DLGAP2: variants seen among roughly 807,000 people sequenced by gnomAD.
The protein encoded by DLGAP2 is disks large-associated protein 2.
In DLGAP2, 26 loss-of-function variants were observed where a neutral mutation model predicts 100.3. That is an observed-to-expected ratio of 0.26 (90% confidence interval 0.19 to 0.36). The LOEUF (loss-of-function observed/expected upper bound fraction) is 0.36. Among genes scored for constraint, DLGAP2 ranks in the 10% least tolerant of loss-of-function variants. The pLI is 1.00. For synonymous variants in DLGAP2, 886 were observed against 630.1 expected (o/e 1.41, Z -6.08); for missense variants, 1,858 against 1,453.2 (o/e 1.28, Z -4.53).
intron 3 of DLGAP2, among the ~76,000 whole-genome samples, chr8:1,276,487 T>C (rs553639263): frequency 7.9e-5 from 12 of 152,266 alleles, no homozygotes; most frequent in African/African-American, 2.9e-4. Flanking sequence ...TGAGGCGGCA[T>C]CTTCACTTTG....
intron 2 of DLGAP2, among the ~76,000 whole-genome samples, chr8:1,007,228 G>A (rs547423289): frequency 2.6e-5 from 4 of 152,272 alleles, no homozygotes; most frequent in East Asian, 1.9e-4. Context: ...CTTAGGATAC[G>A]GTCAGTCCCA....
chr8:910,583 C>G (rs924748104), intron 2 of DLGAP2: 7 of 152,132 alleles, frequency 4.6e-5, no homozygotes, highest in African/African-American at 1.4e-4. Context: ...ACATTTATGC[C>G]TGTCTTTATT....
chr8:1,206,440 CCG>C (rs879319815), intron 2 of DLGAP2, among the ~76,000 whole-genome samples: 6 of 151,390 alleles, frequency 4.0e-5, no homozygotes, highest in African/African-American at 7.2e-5. Flanking sequence ...CTCCAGCCAT[CCG>C]TGGACTGGGG....
At chr8:1,171,228 T>C (rs575151139) in intron 2 of DLGAP2, among the ~76,000 whole-genome samples, 127 of 152,332 alleles carry the variant, frequency 8.3e-4, no homozygotes, top group Middle Eastern at 3.4e-3. Context: ...CTAGTTTGAT[T>C]GCACTGTGGT....
At chr8:1,278,935 A>T (rs1799760822) in intron 3 of DLGAP2, among the ~76,000 whole-genome samples, 2 of 152,218 alleles carry the variant, frequency 1.3e-5, no homozygotes, top group East Asian at 3.8e-4. Context: ...TGAACCCATG[A>T]TGGTACATGA....
At chr8:1,352,548 T>C (rs1801760179) in intron 3 of DLGAP2, among the ~76,000 whole-genome samples, 1 of 152,198 alleles carries the variant, frequency 6.6e-6, no homozygotes, top group Admixed American at 6.5e-5. Flanking sequence ...AGAGTGTTTA[T>C]TATAATATCA....
chr8:1,350,249 G>C (rs541274447), intron 3 of DLGAP2, among the ~76,000 whole-genome samples: 2 of 112,728 alleles, frequency 1.8e-5, no homozygotes, highest in African/African-American at 3.2e-5. Flanking sequence ...AAGGCCGTGC[G>C]GGTCCTGAGC....
intron 1 of DLGAP2, among the ~76,000 whole-genome samples, chr8:784,093 C>T (rs1376168125): frequency 6.6e-6 from 1 of 152,074 alleles, no homozygotes; most frequent in African/African-American, 2.4e-5. Context: ...GACACTGAAC[C>T]CAGCTTTCTT....
intron 2 of DLGAP2, among the ~76,000 whole-genome samples, chr8:1,204,809 A>G (rs906413976): frequency 6.6e-6 from 1 of 152,176 alleles, no homozygotes; most frequent in Non-Finnish European, 1.5e-5. Flanking sequence ...GTAGAGTGCA[A>G]AGAGAGAGAA....
chr8:1,556,404 C>G (rs544268525), intron 5 of DLGAP2, among the ~76,000 whole-genome samples: 2 of 152,288 alleles, frequency 1.3e-5, no homozygotes, highest in African/African-American at 2.4e-5. Context: ...TGGCTCTGAC[C>G]TCTTCCTCCC....
chr8:1,493,668 T>C (rs1220192753), intron 3 of DLGAP2, among the ~76,000 whole-genome samples: 1 of 152,088 alleles, frequency 6.6e-6, no homozygotes, highest in Non-Finnish European at 1.5e-5. Context: ...AAACGTCCTA[T>C]CGGCAATGAA....
intron 2 of DLGAP2, among the ~76,000 whole-genome samples, chr8:915,597 C>T (rs183884173): frequency 4.1e-4 from 63 of 152,130 alleles, no homozygotes; most frequent in African/African-American, 1.2e-3. Context: ...GTCAGAGTCT[C>T]GGTGGCACCT....
chr8:1,362,071 T>C (rs1056676749), intron 3 of DLGAP2, among the ~76,000 whole-genome samples: 1 of 149,784 alleles, frequency 6.7e-6, no homozygotes, highest in Non-Finnish European at 1.5e-5. Context: ...TGAAAGAGAA[T>C]TCAAGGAGAG....
chr8:975,773 T>G (rs990810089), intron 2 of DLGAP2, among the ~76,000 whole-genome samples: 2 of 152,186 alleles, frequency 1.3e-5, no homozygotes, highest in African/African-American at 4.8e-5. Flanking sequence ...GTAGCTAAAC[T>G]CATACTTCAT....
At chr8:935,140 T>C (rs1799041117) in intron 2 of DLGAP2, among the ~76,000 whole-genome samples, 1 of 152,246 alleles carries the variant, frequency 6.6e-6, no homozygotes, top group Non-Finnish European at 1.5e-5. Context: ...CAGGGGACGC[T>C]GAGGCGGCTG....
intron 1 of DLGAP2, among the ~76,000 whole-genome samples, chr8:751,840 C>T (rs547188087): frequency 6.6e-6 from 1 of 151,960 alleles, no homozygotes; most frequent in Admixed American, 6.6e-5. Context: ...CATAGTAAGT[C>T]CTTATAGGAA....
rs777692557 is a variant in DLGAP2, at chr8:1,701,419, G to A, written c.*13G>A. The A allele has an allele frequency of 1.9e-6, 3 of 1,571,618 alleles. No homozygotes were observed. Among genetic ancestry groups the A allele is most frequent in the Non-Finnish European group, 1.7e-6 (2 of 1,159,946 alleles). ...GACCCGGCTCTGAGGGCGGAGGCCG[G>A]CGCCTTCCCCTCGTCGCTTCCGCTT... On this transcript the variant is annotated 3_prime_UTR_variant, in exon 15 of 15. Coordinates refer to ENST00000637795, the MANE Select transcript of DLGAP2 (RefSeq NM_001346810.2).
At chr8:1,158,795 C>T (rs1026481514) in intron 2 of DLGAP2, among the ~76,000 whole-genome samples, 2 of 152,206 alleles carry the variant, frequency 1.3e-5, no homozygotes, top group African/African-American at 2.4e-5. Flanking sequence ...CTGTCCACAT[C>T]GACAACTGCA....
At chr8:870,131 T>C (rs780454695) in intron 1 of DLGAP2, among the ~76,000 whole-genome samples, 4 of 152,232 alleles carry the variant, frequency 2.6e-5, no homozygotes, top group Non-Finnish European at 5.9e-5. Context: ...TCTCTCTGGC[T>C]TCTGTAATAG....
Sources: allele counts gnomAD v4.1 joint callset (sites outside exome capture counted in the v4.1 genomes callset), GRCh38; gene constraint gnomAD v4.1.1; transcripts MANE v1.5; gene names NCBI Gene and HGNC (gene_info 2026-07-23, HGNC 2026-07-21).